Variants in AKAP19 observed in about 807,000 individuals in gnomAD.
AKAP19 encodes the protein small A-kinase anchoring protein.
At chr2:190,183,357 G>C in the AKAP19 span, among the ~76,000 whole-genome samples, 1 of 152,152 alleles carries the variant, frequency 6.6e-6, no homozygotes, top group Non-Finnish European at 1.5e-5. Flanking sequence ...CTAGTCCATA[G>C]AGCAGTCTTC....
the AKAP19 span, among the ~76,000 whole-genome samples, chr2:189,974,191 G>A: frequency 0.034 from 5,211 of 152,028 alleles, 278 homozygotes; most frequent in African/African-American, 0.11. Flanking sequence ...CTTTGTTCTC[G>A]TTGGTTTCAA....
the AKAP19 span, among the ~76,000 whole-genome samples, chr2:190,102,166 A>G: frequency 5.1e-3 from 771 of 152,304 alleles, 8 homozygotes; most frequent in South Asian, 0.02. Flanking sequence ...GTATACCCAA[A>G]TCTCTGGGAT....
At chr2:190,194,327 C>T in the AKAP19 span, among the ~76,000 whole-genome samples, 2 of 152,086 alleles carry the variant, frequency 1.3e-5, no homozygotes, top group African/African-American at 4.8e-5. Flanking sequence ...TCCAGCTATG[C>T]TTGTGGGTTT....
chr2:190,200,026 A>G, the AKAP19 span: 1 of 1,614,076 alleles, frequency 6.2e-7, no homozygotes, highest in Non-Finnish European at 8.5e-7. Context: ...AGGGACCAAT[A>G]CTGTGATCTT....
chr2:190,002,141 AC>A, the AKAP19 span, among the ~76,000 whole-genome samples: 1 of 152,182 alleles, frequency 6.6e-6, no homozygotes, highest in Non-Finnish European at 1.5e-5. Context: ...CACATTCCTA[AC>A]GTTCTCATCT....
the AKAP19 span, among the ~76,000 whole-genome samples, chr2:190,133,040 T>C: frequency 2.0e-5 from 3 of 151,820 alleles, no homozygotes; most frequent in Non-Finnish European, 2.9e-5. Context: ...ATAGAGACCA[T>C]CCTGGCTAAC....
the AKAP19 span, among the ~76,000 whole-genome samples, chr2:190,071,341 C>T: frequency 7.9e-5 from 12 of 152,050 alleles, no homozygotes; most frequent in Non-Finnish European, 1.5e-4. Flanking sequence ...GTAGTTCTAG[C>T]TATTCGTTTT....
At chr2:190,115,197 CAGAGAGAGACAG>C in the AKAP19 span, among the ~76,000 whole-genome samples, 1 of 104,608 alleles carries the variant, frequency 9.6e-6, no homozygotes, top group Non-Finnish European at 1.8e-5. Context: ...GAGAGAGAGA[CAGAGAGAGACAG>C]AGAGAGAAGG....
chr2:189,998,235 T>G, the AKAP19 span, among the ~76,000 whole-genome samples: 1 of 152,200 alleles, frequency 6.6e-6, no homozygotes, highest in East Asian at 1.9e-4. Flanking sequence ...TGGTAGTTCT[T>G]GGAGCAAAAG....
the AKAP19 span, among the ~76,000 whole-genome samples, chr2:189,914,952 G>A: frequency 3.4e-3 from 515 of 152,148 alleles, 2 homozygotes; most frequent in African/African-American, 0.012. Context: ...CCTGCCATTG[G>A]CATCTAATAT....
the AKAP19 span, among the ~76,000 whole-genome samples, chr2:189,929,417 C>T: frequency 6.6e-6 from 1 of 152,092 alleles, no homozygotes; most frequent in South Asian, 2.1e-4. Context: ...ATAATTCAAT[C>T]TCAATAAATC....
chr2:190,069,404 T>C, the AKAP19 span, among the ~76,000 whole-genome samples: 9 of 152,148 alleles, frequency 5.9e-5, no homozygotes, highest in Admixed American at 1.3e-4. Flanking sequence ...TTAAAGTTAA[T>C]GTTTCTAGTA....
the AKAP19 span, among the ~76,000 whole-genome samples, chr2:189,966,379 G>T: frequency 3.9e-5 from 6 of 152,078 alleles, no homozygotes; most frequent in Admixed American, 1.3e-4. Flanking sequence ...CTCGATGCAG[G>T]TTTGCAATAA....
the AKAP19 span, chr2:190,203,243 T>C: frequency 1.8e-5 from 3 of 167,052 alleles, no homozygotes; most frequent in East Asian, 3.8e-4. Flanking sequence ...CTAACAAATA[T>C]ATTGTTTGCT....
chr2:190,090,924 A>C, the AKAP19 span: 1 of 152,224 alleles, frequency 6.6e-6, no homozygotes. Context: ...ACTCTAGCTT[A>C]TTACAGACAT....
the AKAP19 span, chr2:190,057,098 T>C: frequency 8.5e-6 from 6 of 704,862 alleles, no homozygotes; most frequent in Non-Finnish European, 1.4e-5. Flanking sequence ...TGCCAACCAT[T>C]GCATATATTC....
At chr2:189,992,459 A>G in the AKAP19 span, among the ~76,000 whole-genome samples, 2 of 152,134 alleles carry the variant, frequency 1.3e-5, no homozygotes, top group Admixed American at 6.5e-5. Flanking sequence ...AGGTAATGTG[A>G]TGCCTCCAGT....
chr2:190,000,908 T>C, the AKAP19 span, among the ~76,000 whole-genome samples: 465 of 152,322 alleles, frequency 3.1e-3, 1 homozygote, highest in Non-Finnish European at 5.3e-3. Context: ...TAGTTCTTTT[T>C]CTGCCCTCCT....
chr2:190,133,891 G>A, the AKAP19 span, among the ~76,000 whole-genome samples: 1 of 152,148 alleles, frequency 6.6e-6, no homozygotes, highest in Non-Finnish European at 1.5e-5. Flanking sequence ...TTTCGGTTAT[G>A]AGAAATAAAT....
Sources: allele counts gnomAD v4.1 joint callset (sites outside exome capture counted in the v4.1 genomes callset), GRCh38; gene constraint gnomAD v4.1.1; transcripts MANE v1.5; gene names NCBI Gene and HGNC (gene_info 2026-07-23, HGNC 2026-07-21).